TPH2: variants seen among roughly 807,000 people sequenced by gnomAD.
TPH2 encodes tryptophan 5-hydroxylase 2.
Under a neutral mutation model 59.1 loss-of-function variants are expected in TPH2, and 27 were observed. The observed-to-expected ratio is 0.46, with a 90% CI of 0.34 to 0.63. The LOEUF is 0.63. Ranked by LOEUF, TPH2 falls within the 30% of genes least tolerant of loss-of-function variation. TPH2 has a pLI of 0.01. For synonymous variants in TPH2, 220 were observed against 210.5 expected, an observed-to-expected ratio of 1.05 and a Z score of -0.39; for missense variants, 523 against 588.3, an observed-to-expected ratio of 0.89 and a Z score of 1.15.
chr12:71,968,446 G>A (rs1269565075), intron 5 of TPH2, among the ~76,000 whole-genome samples: 1 of 152,172 alleles, frequency 6.6e-6, no homozygotes, highest in Non-Finnish European at 1.5e-5. Flanking sequence ...TCATGTTCAC[G>A]TGAACCTCAA....
At chr12:71,946,858 G>A (rs995677097) in intron 4 of TPH2, among the ~76,000 whole-genome samples, 1 of 152,072 alleles carries the variant, frequency 6.6e-6, no homozygotes, top group Non-Finnish European at 1.5e-5. Context: ...AATCACCTTC[G>A]AGATCATTTT....
intron 9 of TPH2, among the ~76,000 whole-genome samples, chr12:72,030,960 A>C (rs1873705099): frequency 6.6e-6 from 1 of 152,156 alleles, no homozygotes; most frequent in South Asian, 2.1e-4. Context: ...CTGTGGGGGA[A>C]TAGCTCTGAA....
intron 8 of TPH2, among the ~76,000 whole-genome samples, chr12:72,018,112 A>C (rs1042783267): frequency 2.0e-5 from 3 of 152,228 alleles, no homozygotes; most frequent in African/African-American, 7.2e-5. Flanking sequence ...TTCTCTAAAC[A>C]GAATGGGCTG....
At chr12:71,994,933 T>C (rs747089117) in intron 8 of TPH2, among the ~76,000 whole-genome samples, 1 of 151,982 alleles carries the variant, frequency 6.6e-6, no homozygotes, top group Non-Finnish European at 1.5e-5. Context: ...TAAAACTTTA[T>C]TTATAAAAGC....
rs373119979 is a variant in TPH2 at position 72,026,905 on chromosome 12, CA to C, written c.1165-4352del. Among the ~76,000 whole-genome samples the C allele has an allele frequency of 4.9e-3, 753 of 152,260 alleles. 4 individuals carry two copies. The highest frequency in any genetic ancestry group is 9.6e-3 in the Admixed American group (147 of 15,280). On this transcript the variant is annotated intron_variant, in intron 9 of 10. Coordinates refer to ENST00000333850, the MANE Select transcript of TPH2 (RefSeq NM_173353.4). ...GAGGGAGGCTCAAAAATATTATATA[CA>C]CACATAATGCATTTACACATATACG...
intron 8 of TPH2, among the ~76,000 whole-genome samples, chr12:72,013,000 A>G (rs1873140379): frequency 6.6e-6 from 1 of 152,198 alleles, no homozygotes; most frequent in Non-Finnish European, 1.5e-5. Context: ...ATAGGAAACA[A>G]TAGTTAAGAA....
At position 71,991,978 on chromosome 12, in the gene TPH2, G is replaced by A. The variant is rs1872586872; in HGVS notation, c.942-2461G>A. 2.0e-5 allele frequency among the ~76,000 whole-genome samples: 3 copies of A among 152,234 alleles called. No homozygotes were observed. The South Asian group carries it at 6.2e-4, about 32-fold the overall frequency. On this transcript the variant is annotated intron_variant, in intron 7 of 10. Coordinates refer to ENST00000333850, the MANE Select transcript of TPH2 (RefSeq NM_173353.4). ...TGTGTCTTATTATCACCTGGTGAGAGTTTAAAAAAAATGCTCAGGTTTACC... is the reference window on the plus strand; with the variant it reads ...TGTGTCTTATTATCACCTGGTGAGAATTTAAAAAAAATGCTCAGGTTTACC...
rs1463383275 is a variant in TPH2 at position 72,032,350 on chromosome 12, C to T, written c.*655C>T. 5 of 153,992 alleles carry T rather than the reference C, an allele frequency of 3.2e-5. No homozygotes were observed. The highest frequency in any genetic ancestry group is 1.2e-4 in the African/African-American group (5 of 41,414). The allele number at this position is 153,992 out of a possible 1,614,324, so 9.5% of individuals were successfully genotyped here. A position where few individuals can be genotyped will look rare whatever the true frequency, so the allele number is the denominator to read the frequency against. ...TCCTGAAGTATTTTGGAAGATAGTACTTCCGGAAAGGACATTAGGAAAGAC... is the reference window on the plus strand; with the variant it reads ...TCCTGAAGTATTTTGGAAGATAGTATTTCCGGAAAGGACATTAGGAAAGAC... On this transcript the variant is annotated 3_prime_UTR_variant, in exon 11 of 11. Coordinates refer to ENST00000333850, the MANE Select transcript of TPH2 (RefSeq NM_173353.4).
intron 7 of TPH2, 62 bp downstream of exon 7, chr12:71,979,149 T>G: frequency 6.2e-7 from 1 of 1,604,168 alleles, no homozygotes; most frequent in Non-Finnish European, 8.5e-7. Flanking sequence ...TCCCTTTACT[T>G]GAAAATGACT....
intron 8 of TPH2, among the ~76,000 whole-genome samples, chr12:72,018,710 G>A (rs1363802210): frequency 6.6e-6 from 1 of 152,148 alleles, no homozygotes; most frequent in Non-Finnish European, 1.5e-5. Flanking sequence ...TGTTGTAAGT[G>A]CAATATAAAT....
intron 8 of TPH2, among the ~76,000 whole-genome samples, chr12:72,019,229 T>C (rs10879355): frequency 0.55 from 83,274 of 152,046 alleles, 23,579 homozygotes; most frequent in Non-Finnish European, 0.64. Context: ...GTTCACTCAC[T>C]ACTCTTGTGT....
intron 4 of TPH2, among the ~76,000 whole-genome samples, chr12:71,946,488 C>A (rs372039968): frequency 3.9e-5 from 6 of 152,154 alleles, no homozygotes; most frequent in African/African-American, 1.4e-4. Flanking sequence ...TAATTATACC[C>A]ACCTTATGAT....
intron 5 of TPH2, among the ~76,000 whole-genome samples, chr12:71,951,165 C>T (rs909315342): frequency 6.6e-6 from 1 of 152,150 alleles, no homozygotes; most frequent in Non-Finnish European, 1.5e-5. Flanking sequence ...CAGTACCACC[C>T]CCGCTAGCCC....
At chr12:72,001,262 A>C (rs1361177821) in intron 8 of TPH2, among the ~76,000 whole-genome samples, 1 of 152,158 alleles carries the variant, frequency 6.6e-6, no homozygotes, top group Non-Finnish European at 1.5e-5. Flanking sequence ...AGTAATGCTG[A>C]TGAGAGAAGA....
chr12:72,027,321 A>G (rs1250860798), intron 9 of TPH2, among the ~76,000 whole-genome samples: 1 of 152,210 alleles, frequency 6.6e-6, no homozygotes, highest in African/African-American at 2.4e-5. Context: ...CTGAACACAT[A>G]TGTACACAAA....
intron 1 of TPH2, among the ~76,000 whole-genome samples, chr12:71,939,981 A>ATAT (rs1219229201): frequency 1.3e-5 from 2 of 152,246 alleles, no homozygotes; most frequent in Non-Finnish European, 2.9e-5. Flanking sequence ...TTGGACTGAC[A>ATAT]TATTATTACT....
chr12:71,968,942 A>G (rs1395186442), intron 5 of TPH2, among the ~76,000 whole-genome samples: 3 of 151,148 alleles, frequency 2.0e-5, no homozygotes, highest in African/African-American at 7.3e-5. Context: ...AGGATGTTGG[A>G]ATATGACTTC....
At chr12:71,977,487 A>G (rs993445158) in intron 6 of TPH2, among the ~76,000 whole-genome samples, 2 of 152,170 alleles carry the variant, frequency 1.3e-5, no homozygotes, top group Non-Finnish European at 2.9e-5. Flanking sequence ...ACGCACACGC[A>G]TGTGCACATA....
At chr12:71,950,448 G>A (rs1370558451) in intron 5 of TPH2, among the ~76,000 whole-genome samples, 2 of 152,164 alleles carry the variant, frequency 1.3e-5, no homozygotes, top group Non-Finnish European at 2.9e-5. Flanking sequence ...GTTACAAGGT[G>A]CTCAGTAGGC....
Sources: gnomAD v4.1 joint callset for allele counts (sites outside exome capture counted in the v4.1 genomes callset) on GRCh38, gnomAD v4.1.1 for gene constraint, MANE v1.5 for transcripts, NCBI Gene and HGNC (gene_info 2026-07-23, HGNC 2026-07-21) for gene names.